Variants in STK32B observed in about 807,000 individuals in gnomAD.
STK32B encodes the protein serine/threonine kinase 32B.
A neutral mutation model predicts 52.6 loss-of-function variants in STK32B; 43 were observed. That is an observed-to-expected ratio of 0.82 (90% CI 0.64 to 1.05). The LOEUF (loss-of-function observed/expected upper bound fraction) is 1.05, where lower values mean the gene tolerates loss of function less well. STK32B is among the 50% of genes least tolerant of loss of function. The pLI is 0.00. For missense variants in STK32B, 621 were observed against 534.6 expected (o/e 1.16, Z -1.59); for synonymous variants, 238 against 204.3 (o/e 1.17, Z -1.41).
At chr4:5,436,385 A>G (rs542172636) in intron 6 of STK32B, among the ~76,000 whole-genome samples, 2 of 152,328 alleles carry the variant, frequency 1.3e-5, no homozygotes, top group East Asian at 3.9e-4. Context: ...CGAGAGAACT[A>G]CACAGGTTTA....
intron 6 of STK32B, among the ~76,000 whole-genome samples, chr4:5,436,175 A>G (rs1714059242): frequency 6.6e-6 from 1 of 152,222 alleles, no homozygotes; most frequent in Non-Finnish European, 1.5e-5. Flanking sequence ...AAAAATTAAA[A>G]ATAGGAAAGA....
rs1560133124 is a variant in STK32B at position 5,064,375 on chromosome 4, TATATAATATATAAATATATACTTATATAC to T, written c.52+12544_52+12572del. Among the ~76,000 whole-genome samples the T allele has an allele frequency of 6.5e-4, 60 of 93,000 alleles. 3 individuals carry two copies. Among genetic ancestry groups the T allele is most frequent in the Non-Finnish European group, 1.0e-3 (42 of 40,012 alleles). 61.0% of individuals were successfully genotyped at this position (93,000 alleles called of 152,430 possible). A position where few individuals can be genotyped will look rare whatever the true frequency, so the allele number is the denominator to read the frequency against. On this transcript the variant is annotated intron_variant, in intron 1 of 11. Coordinates refer to ENST00000282908, the MANE Select transcript of STK32B (RefSeq NM_018401.3). The stretch of plus-strand genomic sequence containing the variant: ...TTACATAAATATATACTTATATACA[TATATAATATATAAATATATACTTATATAC>T]ATATAATATATAAATATATACTTAT...
chr4:5,324,012 A>G (rs959646869), intron 3 of STK32B, among the ~76,000 whole-genome samples: 4 of 152,170 alleles, frequency 2.6e-5, no homozygotes, highest in Non-Finnish European at 5.9e-5. Flanking sequence ...AGTTTGTAAT[A>G]ACTCCTATCT....
At chr4:5,031,832 T>G in the STK32B span, among the ~76,000 whole-genome samples, 1 of 152,062 alleles carries the variant, frequency 6.6e-6, no homozygotes, top group Non-Finnish European at 1.5e-5. Flanking sequence ...CCTCACCCAG[T>G]TGTGGGTGTG....
At chr4:5,289,246 A>G (rs74957357) in intron 3 of STK32B, among the ~76,000 whole-genome samples, 10,162 of 152,290 alleles carry the variant, frequency 0.067, 590 homozygotes, top group African/African-American at 0.16. Flanking sequence ...TAGAAAAAGC[A>G]TAAGTGTGGT....
chr4:5,257,383 G>GTAAGTGAATGAGTGAATGAT (rs1726393999), intron 3 of STK32B, among the ~76,000 whole-genome samples: 1 of 152,044 alleles, frequency 6.6e-6, no homozygotes, highest in African/African-American at 2.4e-5. Context: ...GAGTGAATGA[G>GTAAGTGAATGAGTGAATGAT]TGAGTGAATG....
chr4:5,425,448 C>T (rs1180035932), intron 6 of STK32B, among the ~76,000 whole-genome samples: 2 of 143,278 alleles, frequency 1.4e-5, no homozygotes, highest in Non-Finnish European at 3.2e-5. Context: ...CATTATCTTT[C>T]CTGAGAACCA....
intron 3 of STK32B, among the ~76,000 whole-genome samples, chr4:5,300,088 G>C (rs1266424125): frequency 1.3e-5 from 2 of 152,088 alleles, no homozygotes; most frequent in East Asian, 1.9e-4. Flanking sequence ...AAGTTAATTG[G>C]CCATGATCAA....
chr4:5,439,563 C>G (rs1271467701), intron 6 of STK32B, among the ~76,000 whole-genome samples: 1 of 151,326 alleles, frequency 6.6e-6, no homozygotes, highest in Admixed American at 6.6e-5. Context: ...TGCCTGTTCA[C>G]TCTGATGGTA....
intron 9 of STK32B, among the ~76,000 whole-genome samples, chr4:5,462,743 T>C (rs965712847): frequency 6.6e-6 from 1 of 152,130 alleles, no homozygotes; most frequent in African/African-American, 2.4e-5. Flanking sequence ...TTGTACAGTG[T>C]TGAGCAGCAC....
chr4:5,234,966 C>T (rs1724524983), intron 3 of STK32B, among the ~76,000 whole-genome samples: 1 of 152,216 alleles, frequency 6.6e-6, no homozygotes, highest in Non-Finnish European at 1.5e-5. Context: ...AGGTGCCCTT[C>T]CTGAGAACTT....
intron 3 of STK32B, among the ~76,000 whole-genome samples, chr4:5,198,198 C>T (rs975368462): frequency 2.0e-5 from 3 of 152,168 alleles, no homozygotes; most frequent in East Asian, 1.9e-4. Context: ...ACTTTGTCTG[C>T]ATCCCTGATT....
chr4:5,169,313 T>C (rs1719146057), intron 3 of STK32B, among the ~76,000 whole-genome samples: 1 of 152,168 alleles, frequency 6.6e-6, no homozygotes, highest in Admixed American at 6.5e-5. Flanking sequence ...AGCAAATGTT[T>C]CCTAAGCTGG....
chr4:5,182,716 C>G (rs1042514323), intron 3 of STK32B, among the ~76,000 whole-genome samples: 2 of 152,134 alleles, frequency 1.3e-5, no homozygotes, highest in Non-Finnish European at 2.9e-5. Flanking sequence ...GCCTCGGCCT[C>G]TCAAAGTGCT....
At chr4:5,125,163 G>C (rs900648311) in intron 1 of STK32B, among the ~76,000 whole-genome samples, 13 of 152,108 alleles carry the variant, frequency 8.5e-5, no homozygotes, top group Admixed American at 5.9e-4. Context: ...CTGGGAAGCA[G>C]ATTCTTCCCC....
At chr4:5,097,054 C>A (rs1713441817) in intron 1 of STK32B, among the ~76,000 whole-genome samples, 1 of 152,334 alleles carries the variant, frequency 6.6e-6, no homozygotes, top group South Asian at 2.1e-4. Context: ...GATTTGCACC[C>A]CAATTGGTCC....
chr4:5,162,538 C>T (rs554339178), intron 2 of STK32B, among the ~76,000 whole-genome samples: 1 of 152,308 alleles, frequency 6.6e-6, no homozygotes, highest in South Asian at 2.1e-4. Context: ...GCCTTTCTTA[C>T]AGCAAATCAG....
chr4:5,162,874 C>T (rs1440200781), intron 2 of STK32B, among the ~76,000 whole-genome samples: 2 of 152,212 alleles, frequency 1.3e-5, no homozygotes, highest in South Asian at 4.1e-4. Context: ...CAGCTTCCTT[C>T]TAGAACACCT....
chr4:5,353,080 A>T (rs1162297785), intron 4 of STK32B, among the ~76,000 whole-genome samples: 1 of 152,144 alleles, frequency 6.6e-6, no homozygotes, highest in African/African-American at 2.4e-5. Context: ...TGGGAAAAAA[A>T]TAGAAAATAC....
Sources: gnomAD v4.1 joint callset for allele counts (sites outside exome capture counted in the v4.1 genomes callset) on GRCh38, gnomAD v4.1.1 for gene constraint, MANE v1.5 for transcripts, NCBI Gene and HGNC (gene_info 2026-07-23, HGNC 2026-07-21) for gene names.